CABIN1: variants seen among roughly 807,000 people sequenced by gnomAD.
CABIN1 encodes the protein calcineurin binding protein 1.
In CABIN1, 133 loss-of-function variants were observed where a neutral mutation model predicts 227.7. The observed-to-expected ratio is 0.58, with a 90% CI of 0.51 to 0.67. The LOEUF (loss-of-function observed/expected upper bound fraction) is 0.67. CABIN1 is among the 30% of genes least tolerant of loss of function. CABIN1 has a pLI of 0.00. For missense variants in CABIN1, 2,408 were observed against 2,852.5 expected (o/e 0.84, Z 3.55); for synonymous variants, 1,086 against 1,155.1 (o/e 0.94, Z 1.21).
At position 24,083,323 on chromosome 22, in the gene CABIN1, C is replaced by T. The variant is rs776244864; in HGVS notation, c.2844C>T (p.Tyr948=). 3 of 1,613,776 alleles carry T rather than the reference C, an allele frequency of 1.9e-6. No individual in the cohort carries two copies. Among genetic ancestry groups the T allele is most frequent in the Non-Finnish European group, 2.5e-6 (3 of 1,180,032 alleles). Residue 948 remains tyrosine (Y), a synonymous_variant, in exon 20 of 37, where the codon TAC becomes TAT. Transcript: ENST00000263119. The part of the protein sequence containing the change: ...ELETALEQCF[Y]CLYSFPSKKS... ...AGACAGCCTTGGAGCAGTGCTTCTACTGCCTGTACAGCTTCCCCAGCAAGA... is the reference window on the plus strand; with the variant it reads ...AGACAGCCTTGGAGCAGTGCTTCTATTGCCTGTACAGCTTCCCCAGCAAGA...
At position 24,070,390 on chromosome 22, in the gene CABIN1, C is replaced by A. The variant is rs367628611; in HGVS notation, c.2233-410C>A. On this transcript the variant is annotated intron_variant, in intron 16 of 36. Coordinates refer to ENST00000263119, the MANE Select transcript of CABIN1 (RefSeq NM_012295.4). Reference sequence around the variant, plus strand: ...GCCCTCCTCCGCTGAGGTAGTCCCTCCCTGGCAGTCTGCCCCTTTGCTGCT... The same window carrying A: ...GCCCTCCTCCGCTGAGGTAGTCCCTACCTGGCAGTCTGCCCCTTTGCTGCT... Among the ~76,000 whole-genome samples, 91 of 152,360 alleles carry A rather than the reference C, an allele frequency of 6.0e-4. No homozygotes were observed. In the South Asian group the frequency reaches 0.016, roughly 27 times the overall value.
At chr22:24,096,164 A>G (rs938849685) in intron 25 of CABIN1, 82 bp downstream of exon 25, 3 of 1,498,468 alleles carry the variant, frequency 2.0e-6, no homozygotes, top group Admixed American at 1.7e-5. Flanking sequence ...TGTGTTGTTC[A>G]GAGGGTTGCT....
chr22:24,177,334 GC>G lies in CABIN1; in HGVS notation c.6206-169del, dbSNP rs1301733750. On this transcript the variant is annotated intron_variant, in intron 35 of 36. Transcript: ENST00000263119. This position sits in a 1 kb window ranked among gnomAD's most constrained non-coding sequence, Gnocchi z 4.4. ...AGCTCAGAGCCAGAGTTGGGTCCCTGCAGGCCTGAGCCAAGTATTTGCCCAG... is the reference window on the plus strand; with the variant it reads ...AGCTCAGAGCCAGAGTTGGGTCCCTGAGGCCTGAGCCAAGTATTTGCCCAG... Among the ~76,000 whole-genome samples, 1 of 152,190 alleles carries G rather than the reference GC, an allele frequency of 6.6e-6. No individual in the cohort carries two copies. Among genetic ancestry groups the G allele is most frequent in the Non-Finnish European group, 1.5e-5 (1 of 68,032 alleles).
intron 29 of CABIN1, 29 bp from the exon 30 acceptor site, chr22:24,164,371 C>A: frequency 6.2e-7 from 1 of 1,600,140 alleles, no homozygotes; most frequent in Non-Finnish European, 8.5e-7. Flanking sequence ...AACCACCCCC[C>A]TCACACACCT....
rs1348837842 is a variant in CABIN1, at chr22:24,178,192, T to C, written c.6659T>C (p.Ile2220Thr). 7 of 1,612,912 alleles carry C rather than the reference T, an allele frequency of 4.3e-6. No individual in the cohort carries two copies. Among genetic ancestry groups the C allele is most frequent in the African/African-American group, 1.3e-5 (1 of 74,996 alleles). ...ETDEDDDYMDI is the reference protein window; with the variant it reads ...ETDEDDDYMDT ...GACGAGGACGACGACTACATGGACA[T>C]TTGAGGGGCCACTGCAGCCCCACCG... The change falls in exon 37 of 37, where the codon ATT (isoleucine) becomes ACT (threonine). Residue 2220 changes from isoleucine (I) to threonine (T), a missense_variant. Physicochemically the swap from Ile to Thr is moderately conservative, Grantham distance 89. Transcript: ENST00000263119.
In CABIN1 at chr22:24,177,532, G is replaced by T. The variant is rs1192940732; in HGVS notation, c.6234G>T (p.Arg2078Ser). Residue 2078 changes from arginine to serine, a missense_variant, in exon 36 of 37, where the codon AGG (arginine) becomes AGT (serine). Arg to Ser is a moderately radical substitution (Grantham distance 110, BLOSUM62 -1). Around this residue, in one of 3 missense-constraint regions of CABIN1, gnomAD observed 714 missense variants for 773.8 expected, o/e 0.92. Transcript: ENST00000263119. The surrounding 1 kb of genome is among the most constrained non-coding windows in gnomAD (Gnocchi z 4.4). The part of the protein sequence containing the change: ...QEGKLRPEPR[R>S]DGEAQEAASE... The stretch of plus-strand genomic sequence containing the variant: ...GGAAACTGAGGCCTGAGCCGAGAAG[G>T]GATGGGGAGGCTCAGGAGGCTGCGA... The T allele has an allele frequency of 3.2e-6, 5 of 1,555,218 alleles. No homozygotes were observed. The highest frequency in any genetic ancestry group is 4.4e-6 in the Non-Finnish European group (5 of 1,147,678).
intron 13 of CABIN1, 53 bp from the exon 14 acceptor site, chr22:24,062,906 A>C: frequency 6.4e-7 from 1 of 1,567,700 alleles, no homozygotes; most frequent in Non-Finnish European, 8.8e-7. Context: ...GAGAAGCAGA[A>C]GGGCATTAGA....
intron 10 of CABIN1, 45 bp from the exon 11 acceptor site, chr22:24,059,182 C>T (rs1273739852): frequency 2.5e-6 from 4 of 1,612,594 alleles, no homozygotes; most frequent in Admixed American, 1.7e-5. Context: ...ATGCTTGTGT[C>T]AGAACGTGTG....
chr22:24,176,200 A>G lies in CABIN1; in HGVS notation c.6130A>G (p.Ser2044Gly). 5 of 1,611,096 alleles carry G rather than the reference A, an allele frequency of 3.1e-6. No homozygotes were observed. The highest frequency in any genetic ancestry group is 4.2e-6 in the Non-Finnish European group (5 of 1,179,272). The change falls in exon 35 of 37, where the codon AGT (serine) becomes GGT (glycine). Residue 2044 changes from serine (S) to glycine (G), a missense_variant. Ser to Gly is a moderately conservative substitution (Grantham distance 56). Around this residue, in one of 3 missense-constraint regions of CABIN1, gnomAD observed 714 missense variants for 773.8 expected, o/e 0.92. Transcript: ENST00000263119. ...TCCGCAGGTGAAGATGGCCCCCACA[A>G]GTTCCCCGGCAGAGCCACACTGCTG... ...HSPQVKMAPT[S>G]SPAEPHCWPA...
intron 2 of CABIN1, 42 bp downstream of exon 2, chr22:24,035,562 T>A (rs775798611): frequency 1.9e-6 from 3 of 1,613,092 alleles, no homozygotes; most frequent in Non-Finnish European, 2.5e-6. Context: ...CTCAGTGTTC[T>A]TTTGTTACGT....
intron 1 of CABIN1, among the ~76,000 whole-genome samples, chr22:24,032,099 C>A (rs1208016264): frequency 1.3e-5 from 2 of 152,208 alleles, no homozygotes; most frequent in Admixed American, 6.5e-5. Flanking sequence ...CCAAAACTCT[C>A]TTCATCTTGA....
intron 28 of CABIN1, among the ~76,000 whole-genome samples, chr22:24,129,740 G>A (rs1185199358): frequency 6.6e-6 from 1 of 152,206 alleles, no homozygotes; most frequent in Admixed American, 6.5e-5. Context: ...TGGGGCTGTG[G>A]GAATAGTATT....
chr22:24,113,907 C>T (rs776184632), intron 27 of CABIN1, among the ~76,000 whole-genome samples, 159 bp downstream of exon 27: 16 of 152,186 alleles, frequency 1.1e-4, no homozygotes, highest in Non-Finnish European at 2.4e-4. Flanking sequence ...TCCCAGTGCC[C>T]GCCCTGGGGT....
chr22:24,072,918 T>C (rs2040193354), intron 18 of CABIN1, among the ~76,000 whole-genome samples: 1 of 152,206 alleles, frequency 6.6e-6, no homozygotes, highest in African/African-American at 2.4e-5. Context: ...TGTCACTTCT[T>C]AGATGTGTGA....
rs546853091 is a variant in CABIN1 at position 24,081,993 on chromosome 22, C to T, written c.2749-1235C>T. Among the ~76,000 whole-genome samples, 96 of 152,182 alleles carry T rather than the reference C, an allele frequency of 6.3e-4. 2 individuals carry two copies. The highest frequency in any genetic ancestry group is 2.2e-3 in the African/African-American group (93 of 41,516). On this transcript the variant is annotated intron_variant, in intron 19 of 36. Coordinates refer to ENST00000263119, the MANE Select transcript of CABIN1 (RefSeq NM_012295.4). ...AGTGAGCCGAGATTGTTCCACTGCACTCCAGCCTGGGCGACGGAGCGAGAC... is the reference window on the plus strand; with the variant it reads ...AGTGAGCCGAGATTGTTCCACTGCATTCCAGCCTGGGCGACGGAGCGAGAC...
chr22:24,050,179 T>A (rs2038216265), intron 7 of CABIN1, among the ~76,000 whole-genome samples: 1 of 152,198 alleles, frequency 6.6e-6, no homozygotes. Context: ...CTGAAGGAAC[T>A]ACCTGTTGGC....
At position 24,177,995 on chromosome 22, in the gene CABIN1, G is replaced by A. The variant is rs2047213196; in HGVS notation, c.6520-58G>A. 1 of 1,608,570 alleles carries A rather than the reference G, an allele frequency of 6.2e-7. No individual in the cohort carries two copies. The highest frequency in any genetic ancestry group is 1.3e-5 in the African/African-American group (1 of 74,658). On this transcript the variant is annotated intron_variant, in intron 36 of 36. Transcript: ENST00000263119. The surrounding 1 kb of genome is among the most constrained non-coding windows in gnomAD (Gnocchi z 4.4). ...TGGGGCAGGGGTGAAGGTGGCAGAG[G>A]GGCTTGGGGCAGAGCCCAGCCATCC...
At chr22:24,013,934 T>C (rs537687006) in intron 1 of CABIN1, among the ~76,000 whole-genome samples, 2 of 152,366 alleles carry the variant, frequency 1.3e-5, no homozygotes, top group South Asian at 4.1e-4. Flanking sequence ...ACATTATCTT[T>C]GTGTCTTTCT....
intron 28 of CABIN1, among the ~76,000 whole-genome samples, chr22:24,123,400 A>T (rs771349879): frequency 1.6e-4 from 25 of 152,150 alleles, no homozygotes; most frequent in Non-Finnish European, 3.5e-4. Context: ...GCAGGTGCCA[A>T]GTGTGCCTCA....
Sources: allele counts gnomAD v4.1 joint callset (sites outside exome capture counted in the v4.1 genomes callset), GRCh38; gene constraint gnomAD v4.1.1; regional missense constraint gnomAD v4.1.1; non-coding constraint Gnocchi (gnomAD v3.1); transcripts MANE v1.5; gene names NCBI Gene and HGNC (gene_info 2026-07-23, HGNC 2026-07-21).